The following HIP1 variants were observed in gnomAD, a reference collection of about 807,000 sequenced individuals.
The protein encoded by HIP1 is huntingtin-interacting protein 1.
Under a neutral mutation model 147.6 loss-of-function variants are expected in HIP1, and 65 were observed. That is an observed-to-expected ratio of 0.44 (90% CI 0.36 to 0.54). The LOEUF (loss-of-function observed/expected upper bound fraction) is 0.54, where lower values mean the gene tolerates loss of function less well. HIP1 is among the 20% of genes least tolerant of loss of function. HIP1 has a pLI of 0.00. For synonymous variants in HIP1, 479 were observed against 504.0 expected, an observed-to-expected ratio of 0.95 and a Z score of 0.67; for missense variants, 1,061 against 1,299.6, an observed-to-expected ratio of 0.82 and a Z score of 2.82.
intron 2 of HIP1, among the ~76,000 whole-genome samples, chr7:75,597,085 G>T (rs1317305572): frequency 1.3e-5 from 2 of 152,174 alleles, no homozygotes; most frequent in African/African-American, 4.8e-5. Flanking sequence ...CAAACGTGAT[G>T]CAGGAAACCA....
intron 5 of HIP1, 111 bp from the exon 6 acceptor site, chr7:75,582,262 G>A: frequency 1.3e-6 from 1 of 791,738 alleles, no homozygotes; most frequent in Non-Finnish European, 2.1e-6. Flanking sequence ...GGCCGAGGTG[G>A]GAGGATTGCT....
chr7:75,627,642 T>C (rs1231309294), intron 1 of HIP1, among the ~76,000 whole-genome samples: 5 of 152,120 alleles, frequency 3.3e-5, no homozygotes, highest in Admixed American at 3.3e-4. Flanking sequence ...TTATTGTGGG[T>C]AGCATCAAGT....
chr7:75,572,834 C>T (rs782721404), intron 8 of HIP1, among the ~76,000 whole-genome samples: 7 of 152,180 alleles, frequency 4.6e-5, no homozygotes, highest in South Asian at 2.1e-4. Context: ...CCTGCTGCCC[C>T]GCACCCGCCC....
rs1554524002 is a variant in HIP1 at position 75,738,939 on chromosome 7, G to C, written c.-19C>G. On this transcript the variant is annotated 5_prime_UTR_variant, in exon 1 of 31. Transcript: ENST00000336926. ...GATCCATGTCGCCGCGAGGAGCCGA[G>C]TCAGGGGCCCTCGGCTGCCCCGGGA... The C allele has an allele frequency of 1.3e-6, 2 of 1,529,394 alleles. No individual in the cohort carries two copies. Among genetic ancestry groups the C allele is most frequent in the African/African-American group, 2.8e-5 (2 of 71,356 alleles). 94.7% of individuals were successfully genotyped at this position (1,529,394 alleles called of 1,614,324 possible). A position where few individuals can be genotyped will look rare whatever the true frequency, so the allele number is the denominator to read the frequency against.
chr7:75,696,681 G>C (rs1180145314), intron 1 of HIP1, among the ~76,000 whole-genome samples: 7 of 149,582 alleles, frequency 4.7e-5, no homozygotes, highest in African/African-American at 1.7e-4. Flanking sequence ...GCTCACTGCA[G>C]CCTCCACTTC....
intron 28 of HIP1, 94 bp from the exon 29 acceptor site, chr7:75,542,074 T>G (rs1256712020): frequency 3.0e-6 from 3 of 1,009,510 alleles, no homozygotes; most frequent in Non-Finnish European, 4.7e-6. Flanking sequence ...TGGAAACGCC[T>G]GGCTTGCCAT....
At chr7:75,677,495 A>G (rs1368948116) in intron 1 of HIP1, among the ~76,000 whole-genome samples, 1 of 148,984 alleles carries the variant, frequency 6.7e-6, no homozygotes, top group Non-Finnish European at 1.5e-5. Flanking sequence ...AATCCCAGCT[A>G]CTCAGGAGGT....
chr7:75,545,147 T>C lies in HIP1; in HGVS notation c.2601A>G (p.Arg867=), dbSNP rs1554490760. The C allele has an allele frequency of 1.2e-6, 2 of 1,611,776 alleles. No homozygotes were observed. Among genetic ancestry groups the C allele is most frequent in the Admixed American group, 1.7e-5 (1 of 58,954 alleles). Residue 867 remains arginine (R), a synonymous_variant, in exon 26 of 31, where the codon CGA becomes CGG. Transcript: ENST00000336926. ...AGGCTGAGATAAGTCCTTCTGTCCA[T>C]CGAGAGTTCTTGGCATAAAACTCTT... ...SPKEFYAKNS[R]WTEGLISASK...
At chr7:75,616,974 T>A (rs1446090132) in intron 1 of HIP1, among the ~76,000 whole-genome samples, 1 of 152,006 alleles carries the variant, frequency 6.6e-6, no homozygotes, top group Non-Finnish European at 1.5e-5. Flanking sequence ...GGTGCAATCA[T>A]GGCTCATTGC....
intron 1 of HIP1, among the ~76,000 whole-genome samples, chr7:75,651,970 C>G (rs1799004475): frequency 6.6e-6 from 1 of 150,448 alleles, no homozygotes. Flanking sequence ...GATTGCGCCA[C>G]TGCACTGCAG....
At chr7:75,645,415 C>T (rs146996879) in intron 1 of HIP1, among the ~76,000 whole-genome samples, 8 of 151,836 alleles carry the variant, frequency 5.3e-5, no homozygotes, top group Admixed American at 1.3e-4. Flanking sequence ...TTAGTAGAGA[C>T]GGGGTTTCAC....
chr7:75,716,833 G>A (rs782732979), intron 1 of HIP1, among the ~76,000 whole-genome samples: 2 of 151,014 alleles, frequency 1.3e-5, no homozygotes, highest in Admixed American at 6.6e-5. Flanking sequence ...TTTAGGGGGG[G>A]GGAAAGGATC....
At chr7:75,669,201 TAAA>T (rs370470973) in intron 1 of HIP1, among the ~76,000 whole-genome samples, 85,629 of 149,710 alleles carry the variant, frequency 0.57, 24,769 homozygotes, top group African/African-American at 0.66. Flanking sequence ...CTGTCTATAC[TAAA>T]AAAAAAAAAA....
chr7:75,605,271 G>A (rs1797180419), intron 1 of HIP1, among the ~76,000 whole-genome samples: 1 of 152,174 alleles, frequency 6.6e-6, no homozygotes. Context: ...TGGGGTTCTG[G>A]ACACAGATGA....
At chr7:75,737,151 C>T (rs1301697574) in intron 1 of HIP1, among the ~76,000 whole-genome samples, 1 of 152,068 alleles carries the variant, frequency 6.6e-6, no homozygotes, top group Non-Finnish European at 1.5e-5. Context: ...GTATCGAACT[C>T]CTGGGATCAA....
At chr7:75,669,498 G>T (rs566425614) in intron 1 of HIP1, among the ~76,000 whole-genome samples, 22 of 152,136 alleles carry the variant, frequency 1.4e-4, no homozygotes, top group Middle Eastern at 3.4e-3. Context: ...GGAGGCAGAG[G>T]TTGCAGTCAG....
intron 2 of HIP1, among the ~76,000 whole-genome samples, chr7:75,596,588 G>A (rs1796755978): frequency 1.3e-5 from 2 of 152,088 alleles, no homozygotes; most frequent in African/African-American, 4.8e-5. Flanking sequence ...GTTTTACCAT[G>A]TTGGCCAGGC....
chr7:75,623,010 C>T (rs1797905200), intron 1 of HIP1, among the ~76,000 whole-genome samples: 2 of 151,458 alleles, frequency 1.3e-5, no homozygotes, highest in South Asian at 4.2e-4. Flanking sequence ...CCAGCCTGAC[C>T]AACATGGTGA....
chr7:75,606,373 A>G (rs1175310485), intron 1 of HIP1, among the ~76,000 whole-genome samples: 1 of 152,136 alleles, frequency 6.6e-6, no homozygotes, highest in African/African-American at 2.4e-5. Flanking sequence ...TGAGACCAGG[A>G]GTTCAAGACC....
Sources: gnomAD v4.1 joint callset for allele counts (sites outside exome capture counted in the v4.1 genomes callset) on GRCh38, gnomAD v4.1.1 for gene constraint, MANE v1.5 for transcripts, NCBI Gene and HGNC (gene_info 2026-07-23, HGNC 2026-07-21) for gene names.